MAP3K10: variants seen among roughly 807,000 people sequenced by gnomAD.
MAP3K10 encodes the protein mitogen-activated protein kinase kinase kinase 10, also known as MKN28 derived nonreceptor_type serine/threonine kinase.
Under a neutral mutation model 75.0 loss-of-function variants are expected in MAP3K10, and 22 were observed. That is an observed-to-expected ratio of 0.29 (90% CI 0.21 to 0.42). MAP3K10 has a LOEUF of 0.42. MAP3K10 is among the 10% of genes least tolerant of loss of function. The pLI, the probability that MAP3K10 is intolerant of heterozygous loss-of-function variation, is 1.00. For missense variants in MAP3K10, 1,165 were observed against 1,379.8 expected (o/e 0.84, Z 2.47); for synonymous variants, 599 against 612.9 (o/e 0.98, Z 0.34).
At chr19:40,201,108 T>C (rs1367270760) in intron 2 of MAP3K10, among the ~76,000 whole-genome samples, 3 of 151,944 alleles carry the variant, frequency 2.0e-5, no homozygotes, top group African/African-American at 7.2e-5. Context: ...TCCCCCACCT[T>C]GTATGGTCTC....
chr19:40,213,700 C>T lies in MAP3K10; in HGVS notation c.2021C>T (p.Ala674Val), dbSNP rs2145099530. ...GGCGCCCGGCGGCGCTGCGACCTGGCGCTGCTAGGCTGCGCCACGCTGCTG... is the reference window on the plus strand; with the variant it reads ...GGCGCCCGGCGGCGCTGCGACCTGGTGCTGCTAGGCTGCGCCACGCTGCTG... ...GHGARRRCDL[A>V]LLGCATLLGA... Residue 674 changes from alanine to valine, a missense_variant, in exon 9 of 10, where the codon GCG becomes GTG. By Grantham distance (64) the Ala-to-Val change is moderately conservative. Coordinates refer to ENST00000253055, the MANE Select transcript of MAP3K10 (RefSeq NM_002446.4). This position sits in a 1 kb window ranked among gnomAD's most constrained non-coding sequence, Gnocchi z 5.7. 1 of 1,079,272 alleles carries T rather than the reference C, an allele frequency of 9.3e-7. No individual in the cohort carries two copies. Among genetic ancestry groups the T allele is most frequent in the South Asian group, 4.0e-5 (1 of 25,044 alleles). 66.9% of individuals were successfully genotyped at this position (1,079,272 alleles called of 1,614,324 possible). A position where few individuals can be genotyped will look rare whatever the true frequency, so the allele number is the denominator to read the frequency against.
rs751952814 is a variant in MAP3K10 at position 40,213,521 on chromosome 19, G to A, written c.1842G>A (p.Glu614=). Residue 614 remains glutamate, a synonymous_variant, in exon 9 of 10, where the codon GAG becomes GAA. Transcript: ENST00000253055. This position sits in a 1 kb window ranked among gnomAD's most constrained non-coding sequence, Gnocchi z 5.7. ...GATGGCCCTCTCCGGTTGCAGAGGA[G>A]TTCGCGGAGGCAGAGGATGGAGGCA... ...PGFASLNEME[E]FAEAEDGGSS... 2 of 1,611,914 alleles carry A rather than the reference G, an allele frequency of 1.2e-6. No individual in the cohort carries two copies. Among genetic ancestry groups the A allele is most frequent in the South Asian group, 2.2e-5 (2 of 90,936 alleles).
In MAP3K10 at chr19:40,214,982, T is replaced by G. The variant is rs1168256886; in HGVS notation, c.2555T>G (p.Leu852Arg). The change falls in exon 10 of 10, where the codon CTT becomes CGT. Residue 852 changes from leucine to arginine, a missense_variant. By Grantham distance (102) the Leu-to-Arg change is moderately radical (BLOSUM62 -2). This residue lies in a region of MAP3K10 where 590 missense variants were observed against 586.6 expected (regional missense o/e 1.01). Coordinates refer to ENST00000253055, the MANE Select transcript of MAP3K10 (RefSeq NM_002446.4). ...CCTCTCTTACCAGGCCCTCGTGACCTTCTGGACTTCCCCCGCCTGCCCGAC... is the reference window on the plus strand; with the variant it reads ...CCTCTCTTACCAGGCCCTCGTGACCGTCTGGACTTCCCCCGCCTGCCCGAC... ...PAGHGPGPRD[L>R]LDFPRLPDPQ... 1 of 1,568,678 alleles carries G rather than the reference T, an allele frequency of 6.4e-7. No individual in the cohort carries two copies. Among genetic ancestry groups the G allele is most frequent in the African/African-American group, 1.3e-5 (1 of 74,248 alleles).
chr19:40,206,294 G>A (rs1973120600), intron 5 of MAP3K10, 137 bp downstream of exon 5: 1 of 1,066,068 alleles, frequency 9.4e-7, no homozygotes, highest in East Asian at 2.9e-5. Flanking sequence ...TCAGCCCAGT[G>A]CAGTGGCGAG....
At chr19:40,195,643 G>A (rs977570355) in intron 1 of MAP3K10, among the ~76,000 whole-genome samples, 1 of 151,846 alleles carries the variant, frequency 6.6e-6, no homozygotes, top group African/African-American at 2.4e-5. Flanking sequence ...ACAGGCGTGC[G>A]CCACCAAGCC....
In MAP3K10 at chr19:40,214,224, G is replaced by A; in HGVS notation, c.2542+3G>A. ...CGAGCCCGCGGGCCATGGCCCTGGT[G>A]AGTGAGGCGCCCTGCACCCAGGTCA... On this transcript the variant is annotated splice_donor_region_variant and intron_variant, in intron 9 of 9. Coordinates refer to ENST00000253055, the MANE Select transcript of MAP3K10 (RefSeq NM_002446.4). The A allele has an allele frequency of 1.4e-6, 2 of 1,397,630 alleles. No individual in the cohort carries two copies. The highest frequency in any genetic ancestry group is 1.8e-6 in the Non-Finnish European group (2 of 1,086,198). 86.6% of individuals were successfully genotyped at this position (1,397,630 alleles called of 1,614,324 possible). A position where few individuals can be genotyped will look rare whatever the true frequency, so the allele number is the denominator to read the frequency against.
intron 9 of MAP3K10, 83 bp from the exon 10 acceptor site, chr19:40,214,887 G>T: frequency 2.9e-6 from 2 of 686,014 alleles, no homozygotes; most frequent in Non-Finnish European, 5.1e-6. Context: ...ACCAGAACTT[G>T]TGCTTTTCAT....
At chr19:40,208,895 G>A (rs1249923403) in intron 5 of MAP3K10, among the ~76,000 whole-genome samples, 1 of 152,066 alleles carries the variant, frequency 6.6e-6, no homozygotes, top group Non-Finnish European at 1.5e-5. Flanking sequence ...CTGATTCAGG[G>A]AGGGCCCAAG....
Position 40,215,556 on chromosome 19 carries a change from A to C in MAP3K10, c.*264A>C. 2.0e-6 allele frequency: 1 copy of C among 506,820 alleles called. No individual in the cohort carries two copies. The highest frequency in any genetic ancestry group is 3.3e-5 in the Admixed American group (1 of 30,392). The allele number at this position is 506,820 out of a possible 1,614,324, so 31.4% of individuals were successfully genotyped here. A position where few individuals can be genotyped will look rare whatever the true frequency, so the allele number is the denominator to read the frequency against. Reference sequence around the variant, plus strand: ...GGATTTGGCACAAAATGGAGCATTAAAGGTAACCCCTGCCCCCTACCGCAC... The same window carrying C: ...GGATTTGGCACAAAATGGAGCATTACAGGTAACCCCTGCCCCCTACCGCAC... On this transcript the variant is annotated 3_prime_UTR_variant, in exon 10 of 10. Transcript: ENST00000253055.
At chr19:40,201,236 G>T in intron 2 of MAP3K10, among the ~76,000 whole-genome samples, 1 of 149,646 alleles carries the variant, frequency 6.7e-6, no homozygotes. Flanking sequence ...ACAGCGGCGC[G>T]ATCTTGGCTC....
At chr19:40,193,643 T>C (rs889530258) in intron 1 of MAP3K10, among the ~76,000 whole-genome samples, 6 of 152,216 alleles carry the variant, frequency 3.9e-5, no homozygotes, top group Non-Finnish European at 8.8e-5. Flanking sequence ...CAGAGTGCTG[T>C]GTGCCAGACC....
In MAP3K10 at chr19:40,205,239, G is replaced by A. The variant is rs757153817; in HGVS notation, c.1131G>A (p.Gln377=). 4 of 1,614,140 alleles carry A rather than the reference G, an allele frequency of 2.5e-6. No homozygotes were observed. In the South Asian group the frequency reaches 4.4e-5, roughly 18 times the overall value. Residue 377 remains glutamine (Q), a synonymous_variant, in exon 4 of 10, where the codon CAG becomes CAA. Coordinates refer to ENST00000253055, the MANE Select transcript of MAP3K10 (RefSeq NM_002446.4). The surrounding 1 kb of genome is among the most constrained non-coding windows in gnomAD (Gnocchi z 4.3). ...QMPLESFHSL[Q]EDWKLEIQHM... The stretch of plus-strand genomic sequence containing the variant: ...CACTGGAGTCCTTCCACTCGCTGCA[G>A]GAAGACTGGAAGCTGGAGATTCAGC...
In MAP3K10 at chr19:40,213,555, C is replaced by T. The variant is rs577824910; in HGVS notation, c.1876C>T (p.Pro626Ser). The change falls in exon 9 of 10, where the codon CCC (proline) becomes TCC (serine). Residue 626 changes from proline to serine, a missense_variant. Around this residue, in one of 2 missense-constraint regions of MAP3K10, gnomAD observed 590 missense variants for 586.6 expected, o/e 1.01. Transcript: ENST00000253055. The surrounding 1 kb of genome is among the most constrained non-coding windows in gnomAD (Gnocchi z 5.7). ...AEAEDGGSSVPPSPYSTPSYL... is the reference protein window; with the variant it reads ...AEAEDGGSSVSPSPYSTPSYL... ...GGCAGAGGATGGAGGCAGCAGCGTG[C>T]CCCCTTCCCCCTACTCGACCCCGTC... 6 of 1,611,386 alleles carry T rather than the reference C, an allele frequency of 3.7e-6. No homozygotes were observed. Among genetic ancestry groups the T allele is most frequent in the Middle Eastern group, 1.7e-4 (1 of 6,048 alleles).
rs1244301820 is a variant in MAP3K10 at position 40,191,811 on chromosome 19, ACCCCG to A, written c.-207_-203del. Reference sequence around the variant, plus strand: ...CGGGTGAACCTGCCGCCCCACTCCCACCCCGCCCCGCCCCGCCCGTACAGCCAAAT... The same window carrying A: ...CGGGTGAACCTGCCGCCCCACTCCCACCCCGCCCCGCCCGTACAGCCAAAT... On this transcript the variant is annotated 5_prime_UTR_variant, in exon 1 of 10. Coordinates refer to ENST00000253055, the MANE Select transcript of MAP3K10 (RefSeq NM_002446.4). 4 of 82,306 alleles carry A rather than the reference ACCCCG, an allele frequency of 4.9e-5. No homozygotes were observed. The highest frequency in any genetic ancestry group is 9.9e-5 in the Non-Finnish European group (4 of 40,584). The allele number at this position is 82,306 out of a possible 1,614,324, so 5.1% of individuals were successfully genotyped here.
chr19:40,197,980 C>T (rs144195341), intron 1 of MAP3K10, among the ~76,000 whole-genome samples: 2 of 152,302 alleles, frequency 1.3e-5, no homozygotes, highest in Non-Finnish European at 2.9e-5. Context: ...TGTAGGCATG[C>T]ACCACCACAC....
At chr19:40,211,028 A>G (rs1216778737) in intron 6 of MAP3K10, among the ~76,000 whole-genome samples, 1 of 152,110 alleles carries the variant, frequency 6.6e-6, no homozygotes, top group Non-Finnish European at 1.5e-5. Context: ...AAAATTACCC[A>G]TCACAGAAGG....
intron 2 of MAP3K10, among the ~76,000 whole-genome samples, chr19:40,201,166 C>T (rs1286421639): frequency 1.3e-5 from 2 of 148,830 alleles, no homozygotes; most frequent in Admixed American, 6.7e-5. Context: ...TGAGCTCCAG[C>T]GTTTTTTGTT....
chr19:40,199,981 A>T (rs924091479), intron 2 of MAP3K10, among the ~76,000 whole-genome samples: 1 of 151,462 alleles, frequency 6.6e-6, no homozygotes, highest in African/African-American at 2.4e-5. Flanking sequence ...CAACATGGTG[A>T]AATCCCACCT....
At chr19:40,208,363 T>TTTTTTTTTTTTTTTTTTTTTTA (rs1555756664) in intron 5 of MAP3K10, among the ~76,000 whole-genome samples, 8 of 111,892 alleles carry the variant, frequency 7.1e-5, no homozygotes, top group African/African-American at 1.1e-4. Context: ...TTTTTTTTTT[T>TTTTTTTTTTTTTTTTTTTTTTA]TTTTTTGTAT....
Sources: allele counts gnomAD v4.1 joint callset (sites outside exome capture counted in the v4.1 genomes callset), GRCh38; gene constraint gnomAD v4.1.1; regional missense constraint gnomAD v4.1.1; non-coding constraint Gnocchi (gnomAD v3.1); transcripts MANE v1.5; gene names NCBI Gene and HGNC (gene_info 2026-07-23, HGNC 2026-07-21).